GALNT2: variants seen among roughly 807,000 people sequenced by gnomAD.
The protein encoded by GALNT2 is UDP-GalNAc:polypeptide N-acetylgalactosaminyltransferase 2.
Under a neutral mutation model 81.4 loss-of-function variants are expected in GALNT2, and 31 were observed. The observed-to-expected ratio is 0.38, with a 90% confidence interval of 0.29 to 0.51. GALNT2 has a LOEUF of 0.51. Among genes scored for constraint, GALNT2 ranks in the 20% least tolerant of loss-of-function variants. The pLI is 0.87. For synonymous variants in GALNT2, 303 were observed against 287.4 expected (o/e 1.05, Z -0.55); for missense variants, 629 against 765.7 (o/e 0.82, Z 2.11).
chr1:230,102,370 G>A (rs1226980307), intron 1 of GALNT2, among the ~76,000 whole-genome samples: 2 of 152,150 alleles, frequency 1.3e-5, no homozygotes, highest in East Asian at 3.9e-4. Flanking sequence ...GCTTCTGCTT[G>A]AGACAGCAAT....
intron 1 of GALNT2, among the ~76,000 whole-genome samples, chr1:230,154,553 A>G (rs1662189508): frequency 1.3e-5 from 2 of 152,194 alleles, no homozygotes; most frequent in Non-Finnish European, 2.9e-5. Flanking sequence ...ATTTGGAGAT[A>G]AGATCTTTAT....
intron 2 of GALNT2, among the ~76,000 whole-genome samples, chr1:230,199,476 C>G (rs745314125): frequency 1.3e-5 from 2 of 152,128 alleles, no homozygotes; most frequent in Non-Finnish European, 2.9e-5. Context: ...AAGCCAGTTT[C>G]GAGAGATACC....
rs61825387 is a variant in GALNT2, at chr1:230,071,293, G to A, written c.126+3887G>A. ...ATGAATCTTAAATGCTGTTAGAGACGGACTTTTTGGGAAGTTGTCCAGACA... is the reference window on the plus strand; with the variant it reads ...ATGAATCTTAAATGCTGTTAGAGACAGACTTTTTGGGAAGTTGTCCAGACA... On this transcript the variant is annotated intron_variant, in intron 1 of 15. Transcript: ENST00000366672. 6.8e-3 allele frequency among the ~76,000 whole-genome samples: 1,033 copies of A among 152,222 alleles called. 10 individuals are homozygous for A. Among genetic ancestry groups the A allele is most frequent in the Non-Finnish European group, 0.012 (809 of 68,014 alleles).
At chr1:230,058,372 G>C (rs1356637710) in intron 1 of GALNT2, among the ~76,000 whole-genome samples, 1 of 152,172 alleles carries the variant, frequency 6.6e-6, no homozygotes, top group Non-Finnish European at 1.5e-5. Context: ...AATGTCCCCA[G>C]GATCCCCTAA....
chr1:230,100,687 T>C (rs1022262362), intron 1 of GALNT2, among the ~76,000 whole-genome samples: 1 of 152,218 alleles, frequency 6.6e-6, no homozygotes, highest in African/African-American at 2.4e-5. Context: ...TGTAAATGTG[T>C]AGGCACAGGG....
At chr1:230,231,381 A>C (rs1428043998) in intron 3 of GALNT2, among the ~76,000 whole-genome samples, 1 of 152,160 alleles carries the variant, frequency 6.6e-6, no homozygotes, top group African/African-American at 2.4e-5. Context: ...CCCTTTGCAA[A>C]AACACTAGGT....
intron 1 of GALNT2, among the ~76,000 whole-genome samples, chr1:230,081,632 G>A (rs1216939278): frequency 6.6e-6 from 1 of 152,216 alleles, no homozygotes; most frequent in African/African-American, 2.4e-5. Context: ...AAGCCCCCCT[G>A]TGAGGGCTGA....
At chr1:230,112,460 A>G (rs1660731818) in intron 1 of GALNT2, among the ~76,000 whole-genome samples, 2 of 151,998 alleles carry the variant, frequency 1.3e-5, no homozygotes, top group Admixed American at 1.3e-4. Flanking sequence ...CAGAGATCAG[A>G]AAGCATTTAT....
intron 1 of GALNT2, among the ~76,000 whole-genome samples, chr1:230,170,494 T>C (rs1335134652): frequency 6.6e-6 from 1 of 152,248 alleles, no homozygotes; most frequent in East Asian, 1.9e-4. Context: ...ACCAGTGTTT[T>C]ACACAGTACA....
At chr1:230,181,153 G>T (rs1663147387) in intron 2 of GALNT2, among the ~76,000 whole-genome samples, 1 of 151,978 alleles carries the variant, frequency 6.6e-6, no homozygotes, top group African/African-American at 2.4e-5. Flanking sequence ...AGTGGTGAGG[G>T]GTCATCTTTG....
intron 1 of GALNT2, among the ~76,000 whole-genome samples, chr1:230,138,086 G>C (rs756191996): frequency 9.2e-5 from 14 of 152,122 alleles, no homozygotes; most frequent in Non-Finnish European, 1.0e-4. Context: ...CTCTGTCTGT[G>C]GCCTCTTCTC....
At chr1:230,232,593 G>A (rs1444826456) in intron 3 of GALNT2, among the ~76,000 whole-genome samples, 5 of 152,122 alleles carry the variant, frequency 3.3e-5, no homozygotes, top group South Asian at 2.1e-4. Flanking sequence ...AGGTCTGCTC[G>A]TCTCAGCAAT....
At chr1:230,187,050 A>G (rs1663357924) in intron 2 of GALNT2, among the ~76,000 whole-genome samples, 1 of 152,214 alleles carries the variant, frequency 6.6e-6, no homozygotes, top group South Asian at 2.1e-4. Context: ...CAGGAAGCTC[A>G]GTGGCTTCCT....
intron 11 of GALNT2, chr1:230,258,975 G>A (rs1055623393): frequency 2.0e-5 from 3 of 152,180 alleles, no homozygotes; most frequent in Non-Finnish European, 4.4e-5. Context: ...GTATTCTCAA[G>A]ATTTGGAAAA....
chr1:230,173,859 G>C (rs1662872506), intron 1 of GALNT2, among the ~76,000 whole-genome samples: 1 of 152,180 alleles, frequency 6.6e-6, no homozygotes, highest in African/African-American at 2.4e-5. Flanking sequence ...TTCCACTGCA[G>C]AGTAGGCGAA....
At chr1:230,242,490 T>G (rs1315157823) in intron 6 of GALNT2, among the ~76,000 whole-genome samples, 1 of 152,194 alleles carries the variant, frequency 6.6e-6, no homozygotes, top group African/African-American at 2.4e-5. Flanking sequence ...AAGCCATTTA[T>G]GACCACAACA....
chr1:230,125,636 G>A (rs1373084139), intron 1 of GALNT2, among the ~76,000 whole-genome samples: 4 of 152,210 alleles, frequency 2.6e-5, no homozygotes, highest in Non-Finnish European at 5.9e-5. Context: ...AGATTTTGGT[G>A]GGTAAGAGTG....
At chr1:230,204,832 C>A (rs558695505) in intron 3 of GALNT2, among the ~76,000 whole-genome samples, 1 of 152,190 alleles carries the variant, frequency 6.6e-6, no homozygotes, top group East Asian at 1.9e-4. Context: ...ACTCTGTGCT[C>A]GGATCCTAGC....
intron 1 of GALNT2, among the ~76,000 whole-genome samples, chr1:230,108,752 A>G (rs1335393362): frequency 1.3e-5 from 2 of 152,206 alleles, no homozygotes; most frequent in African/African-American, 2.4e-5. Context: ...AGCACCGCAC[A>G]CTGTAGGGTA....
Sources: gnomAD v4.1 joint callset for allele counts (sites outside exome capture counted in the v4.1 genomes callset) on GRCh38, gnomAD v4.1.1 for gene constraint, MANE v1.5 for transcripts, NCBI Gene and HGNC (gene_info 2026-07-23, HGNC 2026-07-21) for gene names.